SKA2: variants seen among roughly 807,000 people sequenced by gnomAD.
The protein encoded by SKA2 is spindle and kinetochore associated complex subunit 2, also known as spindle and kinetochore-associated protein 2.
In SKA2, 13 loss-of-function variants were observed where a neutral mutation model predicts 16.9. The observed-to-expected ratio is 0.77, with a 90% CI of 0.50 to 1.22. The LOEUF (loss-of-function observed/expected upper bound fraction) is 1.22, where lower values mean the gene tolerates loss of function less well. Ranked by LOEUF, SKA2 falls within the 50% of genes most tolerant of loss-of-function variation. The pLI is 0.00. For missense variants in SKA2, 107 were observed against 139.7 expected, an observed-to-expected ratio of 0.77 and a Z score of 1.18; for synonymous variants, 47 against 48.5, an observed-to-expected ratio of 0.97 and a Z score of 0.13.
intron 2 of SKA2, among the ~76,000 whole-genome samples, chr17:59,125,684 CA>C (rs201568121): frequency 0.25 from 20,958 of 82,552 alleles, 1,369 homozygotes; most frequent in Non-Finnish European, 0.28. Context: ...ACTCCGTCTC[CA>C]AAAAAAAAAA....
intron 2 of SKA2, among the ~76,000 whole-genome samples, chr17:59,123,198 G>A (rs1451507469): frequency 6.7e-6 from 1 of 150,124 alleles, no homozygotes; most frequent in African/African-American, 2.4e-5. Context: ...GAATAAATAT[G>A]GGTAGTAAAG....
intron 3 of SKA2, 36 bp downstream of exon 3, chr17:59,119,283 G>T (rs760879313): frequency 1.9e-6 from 3 of 1,606,046 alleles, no homozygotes; most frequent in South Asian, 2.2e-5. Context: ...CAGAGCTAAA[G>T]CTAAACAAAT....
At chr17:59,120,200 G>A (rs747443398) in intron 2 of SKA2, among the ~76,000 whole-genome samples, 28 of 150,576 alleles carry the variant, frequency 1.9e-4, no homozygotes, top group Non-Finnish European at 3.3e-4. Flanking sequence ...GAGCCACTGC[G>A]CCCGGCCAAA....
intron 3 of SKA2, among the ~76,000 whole-genome samples, chr17:59,116,928 G>A (rs1011359420): frequency 1.4e-5 from 2 of 144,720 alleles, no homozygotes; most frequent in African/African-American, 5.2e-5. Context: ...AGCGATTCCC[G>A]TCTCAGCCTC....
intron 1 of SKA2, chr17:59,154,893 G>T: frequency 1.3e-6 from 2 of 1,567,442 alleles, no homozygotes; most frequent in South Asian, 1.1e-5. Context: ...GAATTCCAAA[G>T]GCCCCGCACC....
intron 2 of SKA2, among the ~76,000 whole-genome samples, chr17:59,124,974 C>CTTTTTTT (rs35130048): frequency 7.4e-6 from 1 of 135,096 alleles, no homozygotes; most frequent in Non-Finnish European, 1.6e-5. Flanking sequence ...CCACTACATT[C>CTTTTTTT]TTTTTTTTTT....
At chr17:59,143,746 A>T (rs938821214) in intron 1 of SKA2, among the ~76,000 whole-genome samples, 8 of 152,280 alleles carry the variant, frequency 5.3e-5, no homozygotes, top group Admixed American at 4.6e-4. Flanking sequence ...TGCTGCGATT[A>T]TAGGCGTGAG....
intron 2 of SKA2, among the ~76,000 whole-genome samples, chr17:59,123,306 C>A (rs1405752971): frequency 6.8e-6 from 1 of 147,282 alleles, no homozygotes; most frequent in African/African-American, 2.5e-5. Flanking sequence ...TGCCTGTAAT[C>A]CCAGCACTTT....
intron 1 of SKA2, 101 bp downstream of exon 1, chr17:59,155,030 T>C (rs2046612736): frequency 2.1e-5 from 34 of 1,613,822 alleles, no homozygotes; most frequent in African/African-American, 2.7e-5. Context: ...TGGTCCAGCC[T>C]CCGCCGCCCG....
intron 2 of SKA2, among the ~76,000 whole-genome samples, chr17:59,125,592 C>T (rs1051911350): frequency 1.4e-5 from 2 of 147,462 alleles, no homozygotes; most frequent in Middle Eastern, 3.3e-3. Context: ...CCCAGCTACT[C>T]GGGAGGGTGA....
intron 1 of SKA2, among the ~76,000 whole-genome samples, chr17:59,150,843 A>T (rs897464828): frequency 5.3e-5 from 8 of 152,226 alleles, no homozygotes; most frequent in Non-Finnish European, 7.3e-5. Flanking sequence ...AATAAAACCT[A>T]AAGTTTGACA....
chr17:59,110,099 T>G lies in SKA2; in HGVS notation c.*2178A>C, dbSNP rs1599652827. On this transcript the variant is annotated 3_prime_UTR_variant, in exon 4 of 4. Coordinates refer to ENST00000330137, the MANE Select transcript of SKA2 (RefSeq NM_182620.4). ...GACATGTTTAACTTGAATATTCAGG[T>G]AGGGGATTTTATTGGAAATACGGAT... The G allele has an allele frequency of 6.6e-6, 1 of 152,062 alleles. No individual in the cohort carries two copies. The highest frequency in any genetic ancestry group is 2.4e-5 in the African/African-American group (1 of 41,414). 9.4% of individuals were successfully genotyped at this position (152,062 alleles called of 1,614,324 possible).
intron 3 of SKA2, among the ~76,000 whole-genome samples, chr17:59,113,826 CAAA>C (rs1042434540): frequency 1.9e-5 from 2 of 106,840 alleles, no homozygotes; most frequent in Non-Finnish European, 4.0e-5. Flanking sequence ...AACTCTGTCT[CAAA>C]AAAAAAAAAA....
At chr17:59,121,353 T>A (rs1568302305) in intron 2 of SKA2, among the ~76,000 whole-genome samples, 1 of 151,156 alleles carries the variant, frequency 6.6e-6, no homozygotes, top group Admixed American at 6.6e-5. Context: ...ACCAAAATAA[T>A]GGTAAAGAAA....
intron 2 of SKA2, among the ~76,000 whole-genome samples, chr17:59,127,339 T>C (rs2046378509): frequency 6.6e-6 from 1 of 152,200 alleles, no homozygotes; most frequent in Admixed American, 6.5e-5. Flanking sequence ...GAGTTCAGCC[T>C]GGACCATATT....
At chr17:59,146,886 G>C (rs1438087985) in intron 1 of SKA2, among the ~76,000 whole-genome samples, 1 of 152,186 alleles carries the variant, frequency 6.6e-6, no homozygotes, top group African/African-American at 2.4e-5. Flanking sequence ...GCCCAGGCTG[G>C]TCTCAAACTC....
At chr17:59,143,819 A>G (rs917303951) in intron 1 of SKA2, among the ~76,000 whole-genome samples, 1 of 152,162 alleles carries the variant, frequency 6.6e-6, no homozygotes, top group Non-Finnish European at 1.5e-5. Flanking sequence ...AAATTAAGGA[A>G]TATAGGTTCA....
At chr17:59,146,236 G>A (rs1441799068) in intron 1 of SKA2, among the ~76,000 whole-genome samples, 3 of 152,074 alleles carry the variant, frequency 2.0e-5, no homozygotes, top group Non-Finnish European at 4.4e-5. Flanking sequence ...GGTGGCTCAT[G>A]CCTGTAATCC....
At position 59,112,042 on chromosome 17, in the gene SKA2, C is replaced by T. The variant is rs1273481619; in HGVS notation, c.*235G>A. On this transcript the variant is annotated 3_prime_UTR_variant, in exon 4 of 4. Coordinates refer to ENST00000330137, the MANE Select transcript of SKA2 (RefSeq NM_182620.4). ...AAGTGTGTGTGTGCATGCGTGTGTACATATATTTAAATCGTTTTATTCTCA... is the reference window on the plus strand; with the variant it reads ...AAGTGTGTGTGTGCATGCGTGTGTATATATATTTAAATCGTTTTATTCTCA... 2.2e-5 allele frequency: 11 copies of T among 500,234 alleles called. No individual in the cohort carries two copies. Among genetic ancestry groups the T allele is most frequent in the Non-Finnish European group, 3.6e-5 (10 of 274,388 alleles). The allele number at this position is 500,234 out of a possible 1,614,324, so 31.0% of individuals were successfully genotyped here.
Sources: gnomAD v4.1 joint callset for allele counts (sites outside exome capture counted in the v4.1 genomes callset) on GRCh38, gnomAD v4.1.1 for gene constraint, MANE v1.5 for transcripts, NCBI Gene and HGNC (gene_info 2026-07-23, HGNC 2026-07-21) for gene names.